PCGF5: variants seen among roughly 807,000 people sequenced by gnomAD.
The protein encoded by PCGF5 is polycomb group ring finger 5.
Under a neutral mutation model 44.3 loss-of-function variants are expected in PCGF5, and 9 were observed. The ratio of observed to expected loss-of-function variants is 0.20; its 90% CI spans 0.12 to 0.35. The LOEUF (loss-of-function observed/expected upper bound fraction) is 0.35. PCGF5 is among the 10% of genes least tolerant of loss of function. The pLI is 1.00. For synonymous variants in PCGF5, 95 were observed against 102.5 expected (o/e 0.93, Z 0.44); for missense variants, 146 against 305.3 (o/e 0.48, Z 3.89).
At chr10:91,259,761 A>G (rs1589403455) in intron 6 of PCGF5, among the ~76,000 whole-genome samples, 1 of 152,338 alleles carries the variant, frequency 6.6e-6, no homozygotes, top group South Asian at 2.1e-4. Context: ...AAAACTGGCT[A>G]GCCATATGTA....
chr10:91,262,887 G>A (rs1845956421), intron 7 of PCGF5, among the ~76,000 whole-genome samples: 1 of 152,128 alleles, frequency 6.6e-6, no homozygotes, highest in Non-Finnish European at 1.5e-5. Context: ...AAAATACCAT[G>A]TATGGTTTTA....
intron 7 of PCGF5, among the ~76,000 whole-genome samples, chr10:91,262,536 A>G (rs1285446945): frequency 6.6e-6 from 1 of 152,234 alleles, no homozygotes; most frequent in African/African-American, 2.4e-5. Context: ...AGTAATATGA[A>G]TATCATGAAG....
At chr10:91,234,153 G>T (rs1485825170) in intron 2 of PCGF5, among the ~76,000 whole-genome samples, 2 of 152,144 alleles carry the variant, frequency 1.3e-5, no homozygotes, top group Non-Finnish European at 2.9e-5. Flanking sequence ...TCAAGAACTT[G>T]AAAATAGGAA....
chr10:91,241,132 T>C (rs1387845691), intron 3 of PCGF5, among the ~76,000 whole-genome samples: 1 of 151,650 alleles, frequency 6.6e-6, no homozygotes, highest in Non-Finnish European at 1.5e-5. Flanking sequence ...TGGAGTGCAA[T>C]GGTGCGATCT....
chr10:91,163,776 C>T (rs1843440761), intron 1 of PCGF5, among the ~76,000 whole-genome samples: 1 of 148,168 alleles, frequency 6.7e-6, no homozygotes, highest in African/African-American at 2.5e-5. Flanking sequence ...CAGGACCCGG[C>T]GGGACCCACC....
chr10:91,227,921 A>C lies in PCGF5; in HGVS notation c.112+4938A>C, dbSNP rs893026280. 6.1e-6 allele frequency: 6 copies of C among 980,912 alleles called. No homozygotes were observed. The African/African-American group carries it at 1.1e-4, about 17-fold the overall frequency. The allele number at this position is 980,912 out of a possible 1,614,324, so 60.8% of individuals were successfully genotyped here. A position where few individuals can be genotyped will look rare whatever the true frequency, so the allele number is the denominator to read the frequency against. ...CCTGCAGATTTGGGTTAAGTGTCTC[A>C]ATAAAATCTTAAATGAATAAATGCA... On this transcript the variant is annotated intron_variant, in intron 2 of 9. Coordinates refer to ENST00000336126, the MANE Select transcript of PCGF5 (RefSeq NM_032373.5).
chr10:91,275,900 C>G (rs2133466934), intron 9 of PCGF5, among the ~76,000 whole-genome samples: 1 of 151,904 alleles, frequency 6.6e-6, no homozygotes, highest in Admixed American at 6.5e-5. Flanking sequence ...GTTATAATAG[C>G]AAAGGAAAAA....
intron 6 of PCGF5, 75 bp from the exon 7 acceptor site, chr10:91,261,251 T>C (rs1845901545): frequency 3.7e-6 from 5 of 1,364,400 alleles, no homozygotes; most frequent in Non-Finnish European, 4.8e-6. Context: ...AACTGGTAGC[T>C]ATGGTTTCAC....
Position 91,199,320 on chromosome 10 carries a change from G to C in PCGF5, c.-183-23369G>C, listed in dbSNP as rs112279441. 4.5e-3 allele frequency among the ~76,000 whole-genome samples: 686 copies of C among 152,332 alleles called. 3 individuals are homozygous for C. Among genetic ancestry groups the C allele is most frequent in the Middle Eastern group, 0.024 (7 of 294 alleles). On this transcript the variant is annotated intron_variant, in intron 1 of 9. Coordinates refer to the PCGF5 transcript ENST00000614189. ...CTTTGAAGGGTGGGAAGGCAGCAAG[G>C]GGGGCAGAAAAGGAGTTGAGCTGTA...
rs775383978 is a variant in PCGF5 at position 91,262,685 on chromosome 10, T to C, written c.573+1261T>C. On this transcript the variant is annotated intron_variant, in intron 7 of 9. Coordinates refer to ENST00000336126, the MANE Select transcript of PCGF5 (RefSeq NM_032373.5). ...TGGGTTGAAAATTGTTATTATGGTA[T>C]GGTTCTACAAATATTTTTTAAAATT... 1.4e-4 allele frequency among the ~76,000 whole-genome samples: 22 copies of C among 152,212 alleles called. 1 individual carries two copies. The highest frequency in any genetic ancestry group is 1.4e-3 in the Admixed American group (21 of 15,282).
chr10:91,248,797 A>G (rs1275687672), intron 5 of PCGF5, 73 bp downstream of exon 5: 12 of 1,240,660 alleles, frequency 9.7e-6, no homozygotes, highest in Non-Finnish European at 1.4e-5. Flanking sequence ...AGGTGAACTA[A>G]TATGTCTCTT....
intron 2 of PCGF5, among the ~76,000 whole-genome samples, chr10:91,230,773 C>T (rs1457292651): frequency 1.3e-5 from 2 of 152,138 alleles, no homozygotes; most frequent in Non-Finnish European, 2.9e-5. Flanking sequence ...GTGTGCACCA[C>T]CATGCCCAGC....
chr10:91,210,076 A>G (rs192244178), intron 1 of PCGF5, among the ~76,000 whole-genome samples: 4 of 152,324 alleles, frequency 2.6e-5, no homozygotes. Flanking sequence ...AGCTTGGGCA[A>G]TTTCTAACAT....
chr10:91,255,281 G>C (rs1418238788), intron 6 of PCGF5, among the ~76,000 whole-genome samples: 1 of 152,100 alleles, frequency 6.6e-6, no homozygotes, highest in Admixed American at 6.6e-5. Context: ...TAACCAAAAA[G>C]CTTAAATGGA....
At chr10:91,258,603 T>A (rs973578929) in intron 6 of PCGF5, among the ~76,000 whole-genome samples, 2 of 152,264 alleles carry the variant, frequency 1.3e-5, no homozygotes, top group East Asian at 1.9e-4. Context: ...CTTTGTAAGC[T>A]GTTTGGGGCA....
Position 91,282,699 on chromosome 10 carries a change from C to G in PCGF5, c.*4383C>G, listed in dbSNP as rs1358043048. 6.6e-6 allele frequency: 1 copy of G among 152,556 alleles called. No homozygotes were observed. Among genetic ancestry groups the G allele is most frequent in the African/African-American group, 2.4e-5 (1 of 41,418 alleles). The allele number at this position is 152,556 out of a possible 1,614,324, so 9.5% of individuals were successfully genotyped here. ...CTTATGGAGTCTTTCTGATAGGTCA[C>G]TAGGTAAAACTCCTTGGATAGGGTG... On this transcript the variant is annotated 3_prime_UTR_variant, in exon 10 of 10. Transcript: ENST00000336126.
chr10:91,259,958 G>A (rs1268061199), intron 6 of PCGF5, among the ~76,000 whole-genome samples: 1 of 151,584 alleles, frequency 6.6e-6, no homozygotes, highest in African/African-American at 2.4e-5. Context: ...AGCCAAAATT[G>A]ACAAATGGGA....
At chr10:91,187,399 G>A (rs576473942) in intron 1 of PCGF5, among the ~76,000 whole-genome samples, 1 of 152,170 alleles carries the variant, frequency 6.6e-6, no homozygotes, top group East Asian at 1.9e-4. Context: ...TGATGTGAAT[G>A]CACCTGCTTT....
At chr10:91,234,505 T>C (rs1845098650) in intron 2 of PCGF5, among the ~76,000 whole-genome samples, 1 of 152,300 alleles carries the variant, frequency 6.6e-6, no homozygotes, top group Non-Finnish European at 1.5e-5. Flanking sequence ...TAGAAATGGC[T>C]AGGGTAGAAA....
Sources: allele counts gnomAD v4.1 joint callset (sites outside exome capture counted in the v4.1 genomes callset), GRCh38; gene constraint gnomAD v4.1.1; transcripts MANE v1.5; gene names NCBI Gene and HGNC (gene_info 2026-07-23, HGNC 2026-07-21).